The following DMRT1 variants were observed in gnomAD, a reference collection of about 807,000 sequenced individuals.
The protein encoded by DMRT1 is doublesex- and mab-3-related transcription factor 1.
A neutral mutation model predicts 32.3 loss-of-function variants in DMRT1; 7 were observed. That is an observed-to-expected ratio of 0.22 (90% CI 0.12 to 0.41). The LOEUF is 0.41. Among genes scored for constraint, DMRT1 ranks in the 10% least tolerant of loss-of-function variants. The probability of loss-of-function intolerance (pLI) is 1.00; values close to 1 mark genes in which losing one functional copy is unlikely to be tolerated. For missense variants in DMRT1, 625 were observed against 500.5 expected (o/e 1.25, Z -2.37); for synonymous variants, 278 against 206.1 (o/e 1.35, Z -2.99).
chr9:863,697 A>G lies in DMRT1; in HGVS notation c.538+16554A>G, dbSNP rs541595810. 3.3e-5 allele frequency among the ~76,000 whole-genome samples: 5 copies of G among 152,240 alleles called. No individual in the cohort carries two copies. The East Asian group carries it at 5.8e-4, about 18-fold the overall frequency. On this transcript the variant is annotated intron_variant, in intron 2 of 4. Coordinates refer to ENST00000382276, the MANE Select transcript of DMRT1 (RefSeq NM_021951.3). ...TTTCGGACCCACAGAACTCTAAGAT[A>G]GTCAATTTGTGTCATTTACGCCACT...
At chr9:936,902 C>G (rs1818905620) in intron 4 of DMRT1, among the ~76,000 whole-genome samples, 1 of 152,170 alleles carries the variant, frequency 6.6e-6, no homozygotes, top group Non-Finnish European at 1.5e-5. Flanking sequence ...GCGTTAAATG[C>G]ATTCACAATC....
At position 965,358 on chromosome 9, in the gene DMRT1, G is replaced by A. The variant is rs1008210824; in HGVS notation, c.968-2627G>A. On this transcript the variant is annotated intron_variant, in intron 4 of 4. Coordinates refer to ENST00000382276, the MANE Select transcript of DMRT1 (RefSeq NM_021951.3). This position sits in a 1 kb window ranked among gnomAD's most constrained non-coding sequence, Gnocchi z 4.5. ...CAATACGGCTGTTTTTCAAAACAGG[G>A]TGAGTTTTACATTTTCTCTAGAGTG... 6.6e-5 allele frequency among the ~76,000 whole-genome samples: 10 copies of A among 152,168 alleles called. No individual in the cohort carries two copies. The highest frequency in any genetic ancestry group is 6.5e-5 in the Admixed American group (1 of 15,278).
intron 3 of DMRT1, among the ~76,000 whole-genome samples, chr9:899,834 A>G (rs1327762293): frequency 2.0e-5 from 3 of 152,234 alleles, no homozygotes; most frequent in Admixed American, 1.3e-4. Context: ...TTCAGGCCCT[A>G]TGGCAGGCGC....
chr9:862,244 A>C (rs1350955225), intron 2 of DMRT1, among the ~76,000 whole-genome samples: 2 of 152,004 alleles, frequency 1.3e-5, no homozygotes, highest in Middle Eastern at 3.4e-3. Flanking sequence ...CTCCGTCTGC[A>C]CTCCCGGCAC....
At chr9:845,139 A>C (rs1838851352) in intron 1 of DMRT1, among the ~76,000 whole-genome samples, 1 of 152,158 alleles carries the variant, frequency 6.6e-6, no homozygotes, top group Non-Finnish European at 1.5e-5. Flanking sequence ...TTTCAACAGA[A>C]AGTCTTTGTT....
rs142587658 is a variant in DMRT1 at position 908,177 on chromosome 9, G to T, written c.823-8586G>T. Among the ~76,000 whole-genome samples the T allele has an allele frequency of 8.3e-3, 1,260 of 152,258 alleles. 71 individuals carry two copies. Among genetic ancestry groups the T allele is most frequent in the East Asian group, 2.7e-3 (14 of 5,188 alleles). On this transcript the variant is annotated intron_variant, in intron 3 of 4. Transcript: ENST00000382276. ...GGTATTCAGGATTGTTGTGGGCTGGGCATGGTGGCTCATGCCTGTAATCCT... is the reference window on the plus strand; with the variant it reads ...GGTATTCAGGATTGTTGTGGGCTGGTCATGGTGGCTCATGCCTGTAATCCT...
chr9:935,630 T>G (rs969373746), intron 4 of DMRT1, among the ~76,000 whole-genome samples: 5 of 152,218 alleles, frequency 3.3e-5, no homozygotes, highest in African/African-American at 9.7e-5. Flanking sequence ...CTGTGAGAGT[T>G]TATGCTGCAA....
Position 867,024 on chromosome 9 carries a change from G to C in DMRT1, c.538+19881G>C, listed in dbSNP as rs115338409. On this transcript the variant is annotated intron_variant, in intron 2 of 4. Coordinates refer to ENST00000382276, the MANE Select transcript of DMRT1 (RefSeq NM_021951.3). ...ATGTAGATAAACTAGAGAGAATCCAGGGGAAGGGCAACAAAAATGATGTAT... is the reference window on the plus strand; with the variant it reads ...ATGTAGATAAACTAGAGAGAATCCACGGGAAGGGCAACAAAAATGATGTAT... 5.7e-3 allele frequency among the ~76,000 whole-genome samples: 867 copies of C among 152,232 alleles called. 7 individuals carry two copies. The highest frequency in any genetic ancestry group is 0.019 in the African/African-American group (790 of 41,554).
chr9:856,156 A>T (rs1161864091), intron 2 of DMRT1, among the ~76,000 whole-genome samples: 1 of 151,956 alleles, frequency 6.6e-6, no homozygotes, highest in African/African-American at 2.4e-5. Context: ...ACCTCAAGTG[A>T]TCCACCCGCC....
intron 4 of DMRT1, among the ~76,000 whole-genome samples, chr9:933,247 G>C (rs539074429): frequency 6.6e-6 from 1 of 152,102 alleles, no homozygotes; most frequent in South Asian, 2.1e-4. Flanking sequence ...CAAGGCTTAG[G>C]GTCTTTCGGG....
intron 4 of DMRT1, among the ~76,000 whole-genome samples, chr9:961,743 C>A (rs1232923094): frequency 6.6e-6 from 1 of 152,204 alleles, no homozygotes; most frequent in Non-Finnish European, 1.5e-5. Flanking sequence ...AGACCTTGTA[C>A]TAAATCCTGA....
intron 2 of DMRT1, among the ~76,000 whole-genome samples, chr9:889,636 G>A (rs1586572316): frequency 6.6e-6 from 1 of 152,158 alleles, no homozygotes; most frequent in Middle Eastern, 3.2e-3. Context: ...CCATTATTTT[G>A]TTGCTTGATA....
intron 2 of DMRT1, among the ~76,000 whole-genome samples, chr9:853,656 T>C (rs1815261440): frequency 1.3e-5 from 2 of 151,876 alleles, no homozygotes; most frequent in African/African-American, 4.8e-5. Context: ...TATTTTAAAT[T>C]AGCCACTCCC....
chr9:883,627 CAA>C (rs781000476), intron 2 of DMRT1, among the ~76,000 whole-genome samples: 7 of 97,054 alleles, frequency 7.2e-5, no homozygotes, highest in Admixed American at 1.1e-4. Context: ...CCTGTCTCTA[CAA>C]AAAAAAAAAA....
intron 4 of DMRT1, among the ~76,000 whole-genome samples, chr9:946,095 T>G (rs1038366591): frequency 6.6e-6 from 1 of 152,118 alleles, no homozygotes; most frequent in African/African-American, 2.4e-5. Context: ...TATTAGTTAA[T>G]TTTCTTATTT....
chr9:936,571 G>A (rs568811570), intron 4 of DMRT1, among the ~76,000 whole-genome samples: 1 of 152,146 alleles, frequency 6.6e-6, no homozygotes, highest in Non-Finnish European at 1.5e-5. Context: ...GGCCAACATG[G>A]CGAAACCCTG....
At chr9:903,083 C>G (rs1437346968) in intron 3 of DMRT1, among the ~76,000 whole-genome samples, 1 of 152,176 alleles carries the variant, frequency 6.6e-6, no homozygotes, top group Non-Finnish European at 1.5e-5. Context: ...AATGGCTTGT[C>G]AAGTCTTAGC....
chr9:887,774 C>T (rs1244977124), intron 2 of DMRT1, among the ~76,000 whole-genome samples: 1 of 152,232 alleles, frequency 6.6e-6, no homozygotes, highest in African/African-American at 2.4e-5. Context: ...ATTATCTATA[C>T]TGTCACTGCG....
chr9:849,350 T>G (rs1165460544), intron 2 of DMRT1, among the ~76,000 whole-genome samples: 4 of 152,142 alleles, frequency 2.6e-5, no homozygotes, highest in Non-Finnish European at 5.9e-5. Context: ...AGCAACAATG[T>G]TAGGTGAAAA....
Sources: gnomAD v4.1 joint callset for allele counts (sites outside exome capture counted in the v4.1 genomes callset) on GRCh38, gnomAD v4.1.1 for gene constraint, Gnocchi (gnomAD v3.1) non-coding constraint, MANE v1.5 for transcripts, NCBI Gene and HGNC (gene_info 2026-07-23, HGNC 2026-07-21) for gene names.